The following VTA1 variants were observed in gnomAD, a reference collection of about 807,000 sequenced individuals.
VTA1 encodes vacuolar protein sorting-associated protein VTA1 homolog.
VTA1 carries 24 observed loss-of-function variants against 36.9 expected under a neutral mutation model. The observed-to-expected ratio is 0.65, with a 90% CI of 0.47 to 0.91. The LOEUF (loss-of-function observed/expected upper bound fraction) is 0.91. VTA1 is among the 40% of genes least tolerant of loss of function. VTA1 has a pLI of 0.00. For synonymous variants in VTA1, 142 were observed against 130.2 expected (o/e 1.09, Z -0.62); for missense variants, 393 against 377.2 (o/e 1.04, Z -0.35).
intron 7 of VTA1, among the ~76,000 whole-genome samples, chr6:142,207,271 C>G (rs571028732): frequency 1.0e-3 from 159 of 152,316 alleles, no homozygotes; most frequent in African/African-American, 3.5e-3. Context: ...GGTCAACCAT[C>G]TTCCCCACCT....
intron 5 of VTA1, among the ~76,000 whole-genome samples, chr6:142,194,026 C>G (rs1275048666): frequency 1.3e-5 from 2 of 152,006 alleles, no homozygotes; most frequent in Non-Finnish European, 2.9e-5. Context: ...ATCAAACTGA[C>G]TAAAGTTCAG....
At chr6:142,175,157 C>T (rs996537982) in intron 4 of VTA1, among the ~76,000 whole-genome samples, 3 of 152,122 alleles carry the variant, frequency 2.0e-5, no homozygotes, top group Non-Finnish European at 2.9e-5. Flanking sequence ...GCCACTGGTT[C>T]ACAAGATGAA....
intron 1 of VTA1, among the ~76,000 whole-genome samples, chr6:142,147,979 G>A (rs112489196): frequency 0.021 from 3,125 of 152,114 alleles, 119 homozygotes; most frequent in African/African-American, 0.071. Context: ...AATAATACCC[G>A]CTGTTGAGAC....
intron 7 of VTA1, among the ~76,000 whole-genome samples, chr6:142,215,997 T>C (rs1775997700): frequency 1.3e-5 from 2 of 152,160 alleles, no homozygotes; most frequent in Admixed American, 1.3e-4. Flanking sequence ...CTGCAGCTCG[T>C]CTGTAACTTA....
chr6:142,179,767 G>A (rs1207162930), intron 4 of VTA1, among the ~76,000 whole-genome samples: 1 of 152,170 alleles, frequency 6.6e-6, no homozygotes, highest in East Asian at 1.9e-4. Context: ...CTCAAAGTAT[G>A]TTCGTTTTAC....
At chr6:142,158,561 T>G (rs2114633688) in intron 1 of VTA1, among the ~76,000 whole-genome samples, 1 of 152,348 alleles carries the variant, frequency 6.6e-6, no homozygotes, top group South Asian at 2.1e-4. Context: ...AGTATATTGC[T>G]GGATCTTATG....
intron 1 of VTA1, among the ~76,000 whole-genome samples, chr6:142,153,232 T>A (rs1778600789): frequency 6.6e-6 from 1 of 152,084 alleles, no homozygotes; most frequent in Admixed American, 6.5e-5. Context: ...AAGAAGTATG[T>A]CGTGTGATGA....
intron 7 of VTA1, 84 bp from the exon 8 acceptor site, chr6:142,218,414 T>A (rs1203326887): frequency 7.1e-7 from 1 of 1,404,438 alleles, no homozygotes. Flanking sequence ...ATATGTTTTT[T>A]AATCTTAAGC....
intron 5 of VTA1, among the ~76,000 whole-genome samples, chr6:142,198,119 ATGTGTGTGTGTGTGTGTGTGTGTG>A (rs71021658): frequency 6.1e-5 from 6 of 98,250 alleles, no homozygotes; most frequent in African/African-American, 2.0e-4. Context: ...ATATATATAT[ATGTGTGTGTGTGTGTGTGTGTGTG>A]TGTGTGTGTG....
At chr6:142,201,967 G>T (rs1775693762) in intron 6 of VTA1, among the ~76,000 whole-genome samples, 1 of 151,926 alleles carries the variant, frequency 6.6e-6, no homozygotes, top group Admixed American at 6.6e-5. Flanking sequence ...AATTTAGGCA[G>T]AAATGCAAAT....
intron 7 of VTA1, among the ~76,000 whole-genome samples, chr6:142,215,770 A>G (rs913238555): frequency 6.6e-6 from 1 of 152,250 alleles, no homozygotes; most frequent in Admixed American, 6.5e-5. Flanking sequence ...CTCTTATGAC[A>G]TTAGATATAT....
At chr6:142,191,229 G>C (rs1447543614) in intron 5 of VTA1, among the ~76,000 whole-genome samples, 1 of 151,998 alleles carries the variant, frequency 6.6e-6, no homozygotes, top group Non-Finnish European at 1.5e-5. Context: ...GGAATTATCT[G>C]GTCTTTAAAT....
At chr6:142,184,760 CTG>C (rs1168225432) in intron 4 of VTA1, among the ~76,000 whole-genome samples, 1 of 152,164 alleles carries the variant, frequency 6.6e-6, no homozygotes, top group Non-Finnish European at 1.5e-5. Context: ...CCAGATTAAA[CTG>C]TATTTACATT....
chr6:142,203,894 T>G (rs1018037280), intron 6 of VTA1, 91 bp from the exon 7 acceptor site: 4 of 998,144 alleles, frequency 4.0e-6, no homozygotes, highest in Non-Finnish European at 6.1e-6. Context: ...AGCAAAGTAA[T>G]GAAATTGCCT....
At chr6:142,178,902 GAAAAAGATGCTTA>G (rs1211462209) in intron 4 of VTA1, among the ~76,000 whole-genome samples, 2 of 151,874 alleles carry the variant, frequency 1.3e-5, no homozygotes, top group Non-Finnish European at 2.9e-5. Context: ...TGAAAATATG[GAAAAAGATGCTTA>G]ATGCAGATAC....
At chr6:142,175,827 C>G (rs1482798751) in intron 4 of VTA1, among the ~76,000 whole-genome samples, 1 of 151,582 alleles carries the variant, frequency 6.6e-6, no homozygotes, top group Non-Finnish European at 1.5e-5. Flanking sequence ...AAACTAAAGT[C>G]TATTTTCTTT....
intron 4 of VTA1, among the ~76,000 whole-genome samples, chr6:142,181,583 C>T (rs1311876535): frequency 6.6e-6 from 1 of 150,872 alleles, no homozygotes; most frequent in Admixed American, 6.6e-5. Context: ...ATTTTTAAAA[C>T]TTTCTGTAAA....
At chr6:142,197,865 G>C (rs1775584298) in intron 5 of VTA1, among the ~76,000 whole-genome samples, 1 of 150,456 alleles carries the variant, frequency 6.6e-6, no homozygotes, top group African/African-American at 2.5e-5. Flanking sequence ...ACGAGGTCCG[G>C]AGATTGAGAC....
rs372115322 is a variant in VTA1 at position 142,170,667 on chromosome 6, C to G, written c.411+246C>G. Among the ~76,000 whole-genome samples, 11 of 152,132 alleles carry G rather than the reference C, an allele frequency of 7.2e-5. No homozygotes were observed. The East Asian group carries it at 1.7e-3, about 24-fold the overall frequency. On this transcript the variant is annotated intron_variant, in intron 4 of 7. Transcript: ENST00000367630. ...TTGTTTTTTGAGACAGGATATTGCT[C>G]TGTTGCCCAGGCTGGAGTGCAGTGG...
Sources: allele counts gnomAD v4.1 joint callset (sites outside exome capture counted in the v4.1 genomes callset), GRCh38; gene constraint gnomAD v4.1.1; transcripts MANE v1.5; gene names NCBI Gene and HGNC (gene_info 2026-07-23, HGNC 2026-07-21).